The following ANTXR1 variants were observed in gnomAD, a reference collection of about 807,000 sequenced individuals.
ANTXR1 encodes ANTXR cell adhesion molecule 1.
A neutral mutation model predicts 78.1 loss-of-function variants in ANTXR1; 19 were observed. The observed-to-expected ratio is 0.24, with a 90% CI of 0.17 to 0.36. The LOEUF is 0.36. Among genes scored for constraint, ANTXR1 ranks in the 10% least tolerant of loss-of-function variants. The pLI, the probability that ANTXR1 is intolerant of heterozygous loss-of-function variation, is 1.00. For synonymous variants in ANTXR1, 273 were observed against 260.5 expected (o/e 1.05, Z -0.46); for missense variants, 518 against 718.6 (o/e 0.72, Z 3.19).
At chr2:69,071,428 A>G (rs74990591) in intron 4 of ANTXR1, among the ~76,000 whole-genome samples, 3 of 152,218 alleles carry the variant, frequency 2.0e-5, no homozygotes, top group Non-Finnish European at 4.4e-5. Context: ...ATGGTAATGC[A>G]TTGAACTACA....
At chr2:69,145,913 A>G in intron 12 of ANTXR1, 1 of 985,776 alleles carries the variant, frequency 1.0e-6, no homozygotes, top group South Asian at 4.7e-5. Context: ...GCCAAGCAAG[A>G]GATGCTTTCA....
chr2:69,014,084 T>C (rs1443194369), intron 1 of ANTXR1, among the ~76,000 whole-genome samples: 1 of 152,170 alleles, frequency 6.6e-6, no homozygotes, highest in African/African-American at 2.4e-5. Context: ...TGTTTTTGTT[T>C]TTGTTTTTTT....
chr2:69,087,597 G>T (rs114099981), intron 8 of ANTXR1, among the ~76,000 whole-genome samples: 1 of 152,180 alleles, frequency 6.6e-6, no homozygotes, highest in Non-Finnish European at 1.5e-5. Context: ...CTTGAGGCAT[G>T]CAGTTATCTT....
intron 17 of ANTXR1, among the ~76,000 whole-genome samples, chr2:69,207,187 G>A (rs1434091381): frequency 6.6e-6 from 1 of 152,182 alleles, no homozygotes; most frequent in African/African-American, 2.4e-5. Context: ...AGATTTATGT[G>A]TCAAAGGAGA....
intron 17 of ANTXR1, among the ~76,000 whole-genome samples, chr2:69,237,966 T>G (rs187719060): frequency 1.3e-5 from 2 of 152,284 alleles, no homozygotes; most frequent in Admixed American, 1.3e-4. Flanking sequence ...TGGCCAAGTG[T>G]TAGAAGATGA....
chr2:69,044,616 C>G (rs1053792540), intron 2 of ANTXR1, 126 bp from the exon 3 acceptor site: 1 of 977,270 alleles, frequency 1.0e-6, no homozygotes, highest in Non-Finnish European at 1.7e-6. Context: ...CTAGGAGGCC[C>G]CCTGTGGGTT....
intron 12 of ANTXR1, chr2:69,145,775 C>T (rs1420872494): frequency 4.9e-6 from 5 of 1,014,314 alleles, no homozygotes; most frequent in Non-Finnish European, 5.9e-6. Context: ...AAAGGAGCAG[C>T]AGTGTTTGAT....
chr2:69,117,887 C>T (rs1158343537), intron 10 of ANTXR1, among the ~76,000 whole-genome samples: 4 of 152,128 alleles, frequency 2.6e-5, no homozygotes, highest in Admixed American at 6.5e-5. Context: ...CCCTCTCTGT[C>T]CCCTCGGTAT....
chr2:69,222,072 G>A (rs542782909), intron 17 of ANTXR1, among the ~76,000 whole-genome samples: 3 of 152,148 alleles, frequency 2.0e-5, no homozygotes, highest in East Asian at 1.9e-4. Flanking sequence ...TCTCTGCAGT[G>A]GCCACTTCCG....
chr2:69,201,666 G>A (rs1399793180), intron 17 of ANTXR1, among the ~76,000 whole-genome samples: 1 of 152,198 alleles, frequency 6.6e-6, no homozygotes, highest in Non-Finnish European at 1.5e-5. Context: ...AATAATCACA[G>A]ATTTGGTAAC....
At chr2:69,209,862 T>C (rs1355440943) in intron 17 of ANTXR1, among the ~76,000 whole-genome samples, 1 of 152,176 alleles carries the variant, frequency 6.6e-6, no homozygotes, top group Non-Finnish European at 1.5e-5. Flanking sequence ...GGATGTAACA[T>C]GGAGGGGAGG....
intron 12 of ANTXR1, among the ~76,000 whole-genome samples, chr2:69,139,913 C>T (rs2104412684): frequency 6.6e-6 from 1 of 152,176 alleles, no homozygotes; most frequent in East Asian, 1.9e-4. Flanking sequence ...AATATTTGAG[C>T]ACTACTAAGT....
chr2:69,149,223 T>A (rs2104426035), intron 12 of ANTXR1, among the ~76,000 whole-genome samples: 1 of 152,114 alleles, frequency 6.6e-6, no homozygotes, highest in South Asian at 2.1e-4. Flanking sequence ...CCTGCACCTC[T>A]CCCCTTCCTG....
chr2:69,029,466 T>C (rs1671460108), intron 1 of ANTXR1, among the ~76,000 whole-genome samples: 1 of 151,670 alleles, frequency 6.6e-6, no homozygotes, highest in Admixed American at 6.6e-5. Context: ...GGTAAAATAC[T>C]CAGCCTAATT....
intron 7 of ANTXR1, among the ~76,000 whole-genome samples, chr2:69,076,229 G>A (rs1670727079): frequency 6.6e-6 from 1 of 152,024 alleles, no homozygotes; most frequent in Admixed American, 6.6e-5. Context: ...CTCCCAACAT[G>A]GCCTCCTAAA....
At chr2:69,015,281 A>G (rs1346604258) in intron 1 of ANTXR1, among the ~76,000 whole-genome samples, 1 of 151,964 alleles carries the variant, frequency 6.6e-6, no homozygotes, top group Non-Finnish European at 1.5e-5. Flanking sequence ...GCAAAAAAAA[A>G]AAAAACAGGT....
chr2:69,100,423 G>A (rs1179148961), intron 9 of ANTXR1, among the ~76,000 whole-genome samples: 1 of 152,198 alleles, frequency 6.6e-6, no homozygotes, highest in African/African-American at 2.4e-5. Context: ...GGCCTAGGGG[G>A]TTAAATTGTT....
At chr2:69,116,239 C>T (rs998988002) in intron 10 of ANTXR1, among the ~76,000 whole-genome samples, 3 of 152,060 alleles carry the variant, frequency 2.0e-5, no homozygotes, top group African/African-American at 7.2e-5. Context: ...TGTAATAAGA[C>T]CCCCCTAACA....
intron 12 of ANTXR1, chr2:69,145,180 G>A: frequency 1.3e-6 from 1 of 755,354 alleles, no homozygotes; most frequent in South Asian, 1.7e-5. Context: ...CAGGGAAGAT[G>A]CACAGCCAGA....
Sources: gnomAD v4.1 joint callset for allele counts (sites outside exome capture counted in the v4.1 genomes callset) on GRCh38, gnomAD v4.1.1 for gene constraint, MANE v1.5 for transcripts, NCBI Gene and HGNC (gene_info 2026-07-23, HGNC 2026-07-21) for gene names.